The following EPAS1 variants were observed in gnomAD, a reference collection of about 807,000 sequenced individuals.
EPAS1 encodes endothelial PAS domain-containing protein 1.
Under a neutral mutation model 87.9 loss-of-function variants are expected in EPAS1, and 23 were observed. The observed-to-expected ratio is 0.26, with a 90% CI of 0.19 to 0.37. EPAS1 has a LOEUF of 0.37. EPAS1 is among the 10% of genes least tolerant of loss of function. The pLI is 1.00. For synonymous variants in EPAS1, 508 were observed against 444.3 expected (o/e 1.14, Z -1.80); for missense variants, 1,138 against 1,120.7 (o/e 1.02, Z -0.22).
intron 1 of EPAS1, chr2:46,335,705 C>A (rs1205855883): frequency 1.3e-5 from 2 of 151,974 alleles, no homozygotes; most frequent in East Asian, 3.9e-4. Flanking sequence ...AGCGCCCCAC[C>A]CCCACCTTAA....
Position 46,375,619 on chromosome 2 carries a change from C to A in EPAS1, c.887-71C>A. On this transcript the variant is annotated intron_variant, in intron 7 of 15. Coordinates refer to ENST00000263734, the MANE Select transcript of EPAS1 (RefSeq NM_001430.5). The surrounding 1 kb of genome is among the most constrained non-coding windows in gnomAD (Gnocchi z 4.1). The stretch of plus-strand genomic sequence containing the variant: ...CTGCAGATTAGACTGCCCTCCCATG[C>A]GATCTGCTGAGCCTGTGGTGCACAC... 1 of 1,555,964 alleles carries A rather than the reference C, an allele frequency of 6.4e-7. No homozygotes were observed.
intron 4 of EPAS1, among the ~76,000 whole-genome samples, chr2:46,359,196 T>C (rs373645970): frequency 1.4e-4 from 19 of 134,496 alleles, no homozygotes; most frequent in African/African-American, 5.2e-4. Flanking sequence ...GAGGCAGAGG[T>C]TGCAGTGAGC....
Position 46,336,984 on chromosome 2 carries a change from G to A in EPAS1, c.27-9889G>A, listed in dbSNP as rs563038218. ...ACAGACACACACACCTTGAGTGTCC[G>A]CAGGGTGACTCTTCCCAGATGGAAA... On this transcript the variant is annotated intron_variant, in intron 1 of 15. Transcript: ENST00000263734. Among the ~76,000 whole-genome samples, 50 of 152,328 alleles carry A rather than the reference G, an allele frequency of 3.3e-4. No individual in the cohort carries two copies. In the South Asian group the frequency reaches 5.2e-3, roughly 16 times the overall value.
chr2:46,378,815 G>T (rs7598371), intron 11 of EPAS1, 48 bp downstream of exon 11: 3 of 1,498,614 alleles, frequency 2.0e-6, no homozygotes, highest in Non-Finnish European at 2.8e-6. Flanking sequence ...GCTGTCTGGT[G>T]GACAGCAAAG....
chr2:46,323,966 C>A lies in EPAS1; in HGVS notation c.27-22907C>A, dbSNP rs7585566. Among the ~76,000 whole-genome samples, 412 of 152,352 alleles carry A rather than the reference C, an allele frequency of 2.7e-3. 4 individuals carry two copies. Among genetic ancestry groups the A allele is most frequent in the African/African-American group, 9.8e-3 (409 of 41,584 alleles). ...ATACAATGTCTGGTCTCACCACCAA[C>A]AACAAATATTTAGTCTATGGCTACT... On this transcript the variant is annotated intron_variant, in intron 1 of 15. Transcript: ENST00000263734.
At chr2:46,367,774 T>C (rs906657470) in intron 6 of EPAS1, among the ~76,000 whole-genome samples, 1 of 152,210 alleles carries the variant, frequency 6.6e-6, no homozygotes, top group Non-Finnish European at 1.5e-5. Context: ...TGCTCCTTGT[T>C]TGACAAAGGC....
At chr2:46,383,489 A>G (rs183085668) in intron 15 of EPAS1, among the ~76,000 whole-genome samples, 1 of 152,322 alleles carries the variant, frequency 6.6e-6, no homozygotes, top group Non-Finnish European at 1.5e-5. Flanking sequence ...TTCCTCAGCA[A>G]TAGAGTTTGG....
chr2:46,384,499 C>CTT lies in EPAS1; in HGVS notation c.2462-9_2462-8dup. On this transcript the variant is annotated splice_polypyrimidine_tract_variant and intron_variant, in intron 15 of 15. Coordinates refer to ENST00000263734, the MANE Select transcript of EPAS1 (RefSeq NM_001430.5). ...AGGCCTTTAAGTTATGGTACCAACC[C>CTT]TTCTTTCAGGCATGGCAAGCCGGCT... 6.2e-7 allele frequency: 1 copy of CTT among 1,614,192 alleles called. No individual in the cohort carries two copies. Among genetic ancestry groups the CTT allele is most frequent in the Non-Finnish European group, 8.5e-7 (1 of 1,180,044 alleles).
At chr2:46,314,635 C>G (rs188079411) in intron 1 of EPAS1, among the ~76,000 whole-genome samples, 62 of 152,330 alleles carry the variant, frequency 4.1e-4, no homozygotes, top group Middle Eastern at 3.4e-3. Flanking sequence ...GGTTCTAGCT[C>G]CATTGTGAAA....
chr2:46,331,671 G>A (rs1016720976), intron 1 of EPAS1, among the ~76,000 whole-genome samples: 4 of 152,142 alleles, frequency 2.6e-5, no homozygotes, highest in African/African-American at 9.7e-5. Flanking sequence ...AGACAGAAAA[G>A]ACCACTTCTT....
chr2:46,309,415 T>A (rs935252605), intron 1 of EPAS1, among the ~76,000 whole-genome samples: 1 of 152,238 alleles, frequency 6.6e-6, no homozygotes, highest in Non-Finnish European at 1.5e-5. Context: ...AATGTTGCCA[T>A]CTTGTTAGGA....
chr2:46,362,114 G>C (rs1684405980), intron 6 of EPAS1, among the ~76,000 whole-genome samples: 1 of 152,210 alleles, frequency 6.6e-6, no homozygotes, highest in African/African-American at 2.4e-5. Flanking sequence ...CCTGACCTCA[G>C]CTTTCTGCAG....
chr2:46,318,454 C>T (rs1269079284), intron 1 of EPAS1, among the ~76,000 whole-genome samples: 1 of 152,104 alleles, frequency 6.6e-6, no homozygotes, highest in East Asian at 1.9e-4. Context: ...ATAAACTTGC[C>T]TGACAAACCT....
chr2:46,356,403 C>A, intron 3 of EPAS1, 101 bp downstream of exon 3: 1 of 1,466,104 alleles, frequency 6.8e-7, no homozygotes, highest in Non-Finnish European at 9.5e-7. Flanking sequence ...CCTCTCCCTG[C>A]AAATGCCCAC....
In EPAS1 at chr2:46,381,774, C is replaced by T. The variant is rs548548112; in HGVS notation, c.2172+52C>T. ...GCCTCTCCATAGCCCTTAGGGAACC[C>T]AGGGCTGCTGAGAGGGGTGGGGATG... On this transcript the variant is annotated intron_variant, in intron 13 of 15. Transcript: ENST00000263734. 5 of 1,610,034 alleles carry T rather than the reference C, an allele frequency of 3.1e-6. No individual in the cohort carries two copies. The Admixed American group carries it at 8.3e-5, about 27-fold the overall frequency.
chr2:46,320,647 C>T (rs1683437592), intron 1 of EPAS1, among the ~76,000 whole-genome samples: 1 of 152,174 alleles, frequency 6.6e-6, no homozygotes, highest in African/African-American at 2.4e-5. Context: ...TTTTTCACAG[C>T]AGATATGCTT....
chr2:46,331,147 C>T (rs1683664558), intron 1 of EPAS1, among the ~76,000 whole-genome samples: 1 of 152,198 alleles, frequency 6.6e-6, no homozygotes, highest in South Asian at 2.1e-4. Context: ...TAACTTGCCC[C>T]AGGTCATAGA....
chr2:46,302,958 A>G (rs766193113), intron 1 of EPAS1, among the ~76,000 whole-genome samples: 12 of 152,148 alleles, frequency 7.9e-5, no homozygotes, highest in Non-Finnish European at 1.5e-4. Context: ...CTGTAGTCCC[A>G]GCTACTCAAG....
At position 46,381,023 on chromosome 2, in the gene EPAS1, C is replaced by T. The variant is rs1337952222; in HGVS notation, c.2045+306C>T. The stretch of plus-strand genomic sequence containing the variant: ...TCGTATCTCGGTTCATCATCTGAGC[C>T]ACACAGAAAATTGAGTGATGATTTT... On this transcript the variant is annotated intron_variant, in intron 12 of 15. Transcript: ENST00000263734. Among the ~76,000 whole-genome samples the T allele has an allele frequency of 2.6e-5, 4 of 152,290 alleles. No individual in the cohort carries two copies. The East Asian group carries it at 7.7e-4, about 29-fold the overall frequency.
Sources: allele counts gnomAD v4.1 joint callset (sites outside exome capture counted in the v4.1 genomes callset), GRCh38; gene constraint gnomAD v4.1.1; non-coding constraint Gnocchi (gnomAD v3.1); transcripts MANE v1.5; gene names NCBI Gene and HGNC (gene_info 2026-07-23, HGNC 2026-07-21).